The following EEA1 variants were observed in gnomAD, a reference collection of about 807,000 sequenced individuals.
EEA1 encodes the protein early endosome antigen 1, 162kD.
Under a neutral mutation model 209.2 loss-of-function variants are expected in EEA1, and 111 were observed. The ratio of observed to expected loss-of-function variants is 0.53; its 90% CI spans 0.45 to 0.62. The LOEUF (loss-of-function observed/expected upper bound fraction) is 0.62, where lower values mean the gene tolerates loss of function less well. EEA1 is among the 20% of genes least tolerant of loss of function. The probability of loss-of-function intolerance (pLI) is 0.00; values close to 1 mark genes in which losing one functional copy is unlikely to be tolerated. For missense variants in EEA1, 1,343 were observed against 1,530.8 expected, an observed-to-expected ratio of 0.88 and a Z score of 2.05; for synonymous variants, 536 against 540.6, an observed-to-expected ratio of 0.99 and a Z score of 0.12.
At chr12:92,885,006 T>C (rs1241567118) in intron 2 of EEA1, among the ~76,000 whole-genome samples, 5 of 148,820 alleles carry the variant, frequency 3.4e-5, no homozygotes, top group Non-Finnish European at 7.4e-5. Context: ...TAAATGTAAG[T>C]CTGATCATGA....
intron 13 of EEA1, among the ~76,000 whole-genome samples, chr12:92,821,770 C>T (rs1223318401): frequency 6.6e-6 from 1 of 151,312 alleles, no homozygotes; most frequent in Admixed American, 6.6e-5. Context: ...ATGAGATTTT[C>T]AGGAATGATC....
At chr12:92,907,557 CCTT>C (rs1447826298) in intron 1 of EEA1, among the ~76,000 whole-genome samples, 2 of 152,156 alleles carry the variant, frequency 1.3e-5, no homozygotes, top group Non-Finnish European at 2.9e-5. Flanking sequence ...TTGGCCACTA[CCTT>C]AATTCATGTT....
chr12:92,797,873 T>C (rs888993368), intron 21 of EEA1, among the ~76,000 whole-genome samples: 25 of 152,182 alleles, frequency 1.6e-4, no homozygotes, highest in African/African-American at 6.0e-4. Context: ...GTATTTTTGA[T>C]TGTTTTAATT....
chr12:92,836,830 A>T (rs1876947931), intron 10 of EEA1, among the ~76,000 whole-genome samples: 1 of 151,972 alleles, frequency 6.6e-6, no homozygotes, highest in Non-Finnish European at 1.5e-5. Context: ...TAACAATTAA[A>T]AACAACAACC....
At chr12:92,832,916 A>C in intron 10 of EEA1, 66 bp from the exon 11 acceptor site, 1 of 1,205,822 alleles carries the variant, frequency 8.3e-7, no homozygotes, top group Non-Finnish European at 1.1e-6. Context: ...TTACTCAAAC[A>C]ATCTTTGGAG....
chr12:92,818,429 T>C (rs1875894136), intron 14 of EEA1, among the ~76,000 whole-genome samples: 1 of 152,210 alleles, frequency 6.6e-6, no homozygotes, highest in Admixed American at 6.6e-5. Context: ...TTGGTGTTTA[T>C]GGTAGAAGGG....
At chr12:92,803,109 T>C (rs913891851) in intron 18 of EEA1, among the ~76,000 whole-genome samples, 4 of 152,122 alleles carry the variant, frequency 2.6e-5, no homozygotes, top group Admixed American at 6.5e-5. Flanking sequence ...TTATGTTAGT[T>C]CTCCAACACA....
intron 19 of EEA1, among the ~76,000 whole-genome samples, 170 bp downstream of exon 19, chr12:92,802,234 T>C (rs952440558): frequency 5.3e-5 from 8 of 152,058 alleles, no homozygotes; most frequent in Non-Finnish European, 1.0e-4. Flanking sequence ...CACACATTAT[T>C]ATCTTGGGCT....
intron 1 of EEA1, among the ~76,000 whole-genome samples, chr12:92,925,036 T>C (rs1257831167): frequency 6.6e-6 from 1 of 151,974 alleles, no homozygotes; most frequent in African/African-American, 2.4e-5. Flanking sequence ...AGTTTGTCCT[T>C]CCTAGAACTC....
chr12:92,896,673 C>T (rs1445587106), intron 1 of EEA1, among the ~76,000 whole-genome samples: 1 of 151,590 alleles, frequency 6.6e-6, no homozygotes, highest in South Asian at 2.1e-4. Flanking sequence ...CGTGGTGGTG[C>T]GTGCCTGTAA....
At position 92,778,162 on chromosome 12, in the gene EEA1, T is replaced by C. The variant is rs1254312140; in HGVS notation, c.3672A>G (p.Glu1224=). The change falls in exon 26 of 29, where the codon GAA becomes GAG. Residue 1224 remains glutamate (E), a synonymous_variant. Transcript: ENST00000322349. ...KEAKLHSEIK[E]KEVGMKKHEE... ...CATGCTTCTTCATTCCTACTTCCTT[T>C]TCTTTTATTTCGGAATGCTGAAAAA... 8.1e-6 allele frequency: 13 copies of C among 1,611,108 alleles called. No homozygotes were observed. Among genetic ancestry groups the C allele is most frequent in the South Asian group, 3.3e-5 (3 of 90,310 alleles).
chr12:92,857,996 C>A, intron 3 of EEA1: 1 of 337,396 alleles, frequency 3.0e-6, no homozygotes, highest in South Asian at 3.1e-5. Flanking sequence ...AGTAGAATGC[C>A]GTCTGCAACT....
At chr12:92,812,059 G>GGT (rs1261843889) in intron 16 of EEA1, among the ~76,000 whole-genome samples, 2 of 151,970 alleles carry the variant, frequency 1.3e-5, no homozygotes, top group Non-Finnish European at 2.9e-5. Flanking sequence ...AGCCAGGTGC[G>GGT]GTGGCTCACA....
In EEA1 at chr12:92,777,534, G is replaced by T. The variant is rs747699477; in HGVS notation, c.4014+9C>A. ...CTAAAAAACTGCTTCATATCCATAG[G>T]TGACTGACCTGAAGTGATTGGTTTT... On this transcript the variant is annotated intron_variant, in intron 27 of 28. Transcript: ENST00000322349. 4.5e-5 allele frequency: 73 copies of T among 1,606,308 alleles called. No individual in the cohort carries two copies. The highest frequency in any genetic ancestry group is 5.4e-5 in the Non-Finnish European group (63 of 1,176,480).
At chr12:92,799,888 A>C (rs775340978) in intron 20 of EEA1, among the ~76,000 whole-genome samples, 4 of 152,176 alleles carry the variant, frequency 2.6e-5, no homozygotes, top group Non-Finnish European at 5.9e-5. Flanking sequence ...ATAAAAACAA[A>C]ATCACTTTTG....
At chr12:92,855,116 T>C (rs1877809493) in intron 5 of EEA1, among the ~76,000 whole-genome samples, 1 of 148,232 alleles carries the variant, frequency 6.7e-6, no homozygotes, top group South Asian at 2.2e-4. Flanking sequence ...CTATCACTAC[T>C]AAAACTTGCA....
In EEA1 at chr12:92,776,877, G is replaced by A; in HGVS notation, c.4080C>T (p.Ala1360=). Residue 1360 remains alanine, a synonymous_variant, in exon 28 of 29, where the codon GCC becomes GCT. Coordinates refer to ENST00000322349, the MANE Select transcript of EEA1 (RefSeq NM_003566.4). ...CTGTTACTGAAAAGCCTTTCCCACA[G>A]GCCATACAGTTTTGTACTTCATTGT... ...AEDNEVQNCM[A]CGKGFSVTVR... is the part of the protein sequence containing the mutation. The A allele has an allele frequency of 6.2e-7, 1 of 1,611,848 alleles. No homozygotes were observed.
At position 92,832,930 on chromosome 12, in the gene EEA1, T is replaced by C. The variant is rs183481247; in HGVS notation, c.916-80A>G. 1,513 of 986,536 alleles carry C rather than the reference T, an allele frequency of 1.5e-3. 17 individuals carry two copies. The highest frequency in any genetic ancestry group is 0.013 in the South Asian group (752 of 56,940). The allele number at this position is 986,536 out of a possible 1,614,324, so 61.1% of individuals were successfully genotyped here. The stretch of plus-strand genomic sequence containing the variant: ...ATTACTCAAACAATCTTTGGAGCAG[T>C]ACTGTCTCCTATTATACATTTTAGT... On this transcript the variant is annotated intron_variant, in intron 10 of 28. Coordinates refer to ENST00000322349, the MANE Select transcript of EEA1 (RefSeq NM_003566.4).
At chr12:92,854,571 A>G (rs1239470578) in intron 5 of EEA1, among the ~76,000 whole-genome samples, 1 of 152,216 alleles carries the variant, frequency 6.6e-6, no homozygotes, top group African/African-American at 2.4e-5. Context: ...TTAACCAAAG[A>G]GTTTGAAAGA....
Sources: gnomAD v4.1 joint callset for allele counts (sites outside exome capture counted in the v4.1 genomes callset) on GRCh38, gnomAD v4.1.1 for gene constraint, MANE v1.5 for transcripts, NCBI Gene and HGNC (gene_info 2026-07-23, HGNC 2026-07-21) for gene names.